Variants in STEAP1B observed in about 807,000 individuals in gnomAD.
STEAP1B encodes the protein STEAP family protein MGC87042.
In STEAP1B, 13 loss-of-function variants were observed where a neutral mutation model predicts 27.9. The ratio of observed to expected loss-of-function variants is 0.47; its 90% CI spans 0.30 to 0.74. The LOEUF is 0.74. Among genes scored for constraint, STEAP1B ranks in the 30% least tolerant of loss-of-function variants. The pLI, the probability that STEAP1B is intolerant of heterozygous loss-of-function variation, is 0.06. For missense variants in STEAP1B, 250 were observed against 298.7 expected, an observed-to-expected ratio of 0.84 and a Z score of 1.20; for synonymous variants, 86 against 107.1, an observed-to-expected ratio of 0.80 and a Z score of 1.22.
chr7:22,438,432 G>A, intron 4 of STEAP1B: 1 of 1,508,236 alleles, frequency 6.6e-7, no homozygotes, highest in Non-Finnish European at 8.8e-7. Flanking sequence ...CCATGGTCTG[G>A]TCTGCAAGTA....
intron 4 of STEAP1B, among the ~76,000 whole-genome samples, chr7:22,478,325 A>T (rs1189355706): frequency 6.6e-6 from 1 of 152,250 alleles, no homozygotes; most frequent in African/African-American, 2.4e-5. Flanking sequence ...CTTGTTGCTA[A>T]GAAAACAAAG....
chr7:22,467,667 A>ATT (rs1228835221), intron 4 of STEAP1B, among the ~76,000 whole-genome samples: 1 of 151,606 alleles, frequency 6.6e-6, no homozygotes, highest in Admixed American at 6.6e-5. Context: ...CTTGGATCTC[A>ATT]CTCTTCTCTT....
In STEAP1B at chr7:22,449,014, G is replaced by T. The variant is rs528510592; in HGVS notation, c.763-29178C>A. ...TAATTTTTTAAGTTTTTAATTTAGG[G>T]GTATATAGTAGGTGTATGTATTTAT... On this transcript the variant is annotated intron_variant, in intron 4 of 4. Transcript: ENST00000678116. Among the ~76,000 whole-genome samples the T allele has an allele frequency of 5.9e-5, 9 of 152,096 alleles. No individual in the cohort carries two copies. In the East Asian group the frequency reaches 7.7e-4, roughly 13 times the overall value.
At position 22,468,810 on chromosome 7, in the gene STEAP1B, G is replaced by C. The variant is rs1785831170; in HGVS notation, c.762+23755C>G. On this transcript the variant is annotated intron_variant, in intron 4 of 4. Transcript: ENST00000678116. ...ATTCTCATCATCTTGTGACGTCATAGCCATTGCAATGTCAGAGTGCAACAC... is the reference window on the plus strand; with the variant it reads ...ATTCTCATCATCTTGTGACGTCATACCCATTGCAATGTCAGAGTGCAACAC... Among the ~76,000 whole-genome samples the C allele has an allele frequency of 2.0e-5, 3 of 152,264 alleles. No homozygotes were observed. In the South Asian group the frequency reaches 6.2e-4, roughly 32 times the overall value.
At position 22,425,066 on chromosome 7, in the gene STEAP1B, T is replaced by C. The variant is rs114448247; in HGVS notation, c.763-5230A>G. On this transcript the variant is annotated intron_variant, in intron 4 of 4. Coordinates refer to ENST00000678116, the MANE Select transcript of STEAP1B (RefSeq NM_001382447.1). ...TGTACAGTCATAACACATAATTTAATGCTCTTTTTAAAATGGAACTCTTCA... is the reference window on the plus strand; with the variant it reads ...TGTACAGTCATAACACATAATTTAACGCTCTTTTTAAAATGGAACTCTTCA... Among the ~76,000 whole-genome samples, 1,132 of 152,304 alleles carry C rather than the reference T, an allele frequency of 7.4e-3. 14 individuals carry two copies. The highest frequency in any genetic ancestry group is 0.026 in the African/African-American group (1,067 of 41,562).
Position 22,471,893 on chromosome 7 carries a change from CAAAAAAA to C in STEAP1B, c.762+20665_762+20671del, listed in dbSNP as rs59453902. On this transcript the variant is annotated intron_variant, in intron 4 of 4. Transcript: ENST00000678116. The stretch of plus-strand genomic sequence containing the variant: ...ACTCCCGCCTGGGCAAACCTGTCTC[CAAAAAAA>C]AAAAAAAAAAAAAAAAAAGTTTTCA... 2.0e-3 allele frequency among the ~76,000 whole-genome samples: 123 copies of C among 60,192 alleles called. No homozygotes were observed. In the East Asian group the frequency reaches 0.027, roughly 13 times the overall value. The allele number at this position is 60,192 out of a possible 152,430, so 39.5% of individuals were successfully genotyped here. A position where few individuals can be genotyped will look rare whatever the true frequency, so the allele number is the denominator to read the frequency against.
At chr7:22,460,139 G>C (rs1401916750) in intron 4 of STEAP1B, among the ~76,000 whole-genome samples, 1 of 151,682 alleles carries the variant, frequency 6.6e-6, no homozygotes, top group East Asian at 1.9e-4. Context: ...GTGAAACCCC[G>C]TCTCTACAAA....
intron 4 of STEAP1B, among the ~76,000 whole-genome samples, chr7:22,456,447 C>T (rs534706722): frequency 2.0e-5 from 3 of 152,292 alleles, no homozygotes; most frequent in African/African-American, 7.2e-5. Flanking sequence ...AAAGCAGGAG[C>T]CAACCATTCT....
Position 22,419,590 on chromosome 7 carries a change from C to T in STEAP1B, c.*214G>A, listed in dbSNP as rs1785019203. 2.3e-6 allele frequency: 1 copy of T among 425,736 alleles called. No homozygotes were observed. The highest frequency in any genetic ancestry group is 4.1e-5 in the Admixed American group (1 of 24,172). The allele number at this position is 425,736 out of a possible 1,614,324, so 26.4% of individuals were successfully genotyped here. On this transcript the variant is annotated 3_prime_UTR_variant, in exon 5 of 5. Transcript: ENST00000678116. ...ACACAATCTCAGTGGATTAGCACAA[C>T]ACATATGGACTTTTTGTTTGCTCTC...
chr7:22,456,973 T>TATATATATATATA (rs1554285707), intron 4 of STEAP1B, among the ~76,000 whole-genome samples: 6 of 59,274 alleles, frequency 1.0e-4, no homozygotes, highest in African/African-American at 1.5e-4. Context: ...TATATATATA[T>TATATATATATATA]TTTTTTTTTT....
intron 4 of STEAP1B, among the ~76,000 whole-genome samples, 189 bp from the exon 5 acceptor site, chr7:22,420,025 G>A (rs765153186): frequency 2.2e-4 from 34 of 152,234 alleles, no homozygotes; most frequent in Non-Finnish European, 4.1e-4. Context: ...CTAGAATTCC[G>A]GTGTGGTCTT....
intron 1 of STEAP1B, among the ~76,000 whole-genome samples, chr7:22,496,658 T>C (rs11983856): frequency 0.77 from 117,521 of 152,156 alleles, 45,565 homozygotes; most frequent in East Asian, 0.88. Context: ...GGTAACATGC[T>C]ATACAGATTA....
At chr7:22,466,042 G>A (rs901834969) in intron 4 of STEAP1B, among the ~76,000 whole-genome samples, 6 of 152,210 alleles carry the variant, frequency 3.9e-5, no homozygotes, top group Admixed American at 3.9e-4. Flanking sequence ...ACATTCAGGT[G>A]TGTGTGCCAT....
intron 4 of STEAP1B, among the ~76,000 whole-genome samples, chr7:22,473,375 G>C (rs114633259): frequency 1.1e-3 from 160 of 152,330 alleles, no homozygotes; most frequent in African/African-American, 3.8e-3. Context: ...AAGTGACTCA[G>C]GTGGGTTATG....
At chr7:22,459,832 A>G (rs577262305) in intron 4 of STEAP1B, among the ~76,000 whole-genome samples, 1 of 152,354 alleles carries the variant, frequency 6.6e-6, no homozygotes, top group South Asian at 2.1e-4. Context: ...CAGTGAGCGC[A>G]GCATGAATTT....
At chr7:22,462,445 T>C (rs1332931263) in intron 4 of STEAP1B, among the ~76,000 whole-genome samples, 15 of 127,698 alleles carry the variant, frequency 1.2e-4, no homozygotes, top group Non-Finnish European at 4.9e-5. Flanking sequence ...TGTGTTCTCA[T>C]TGTTCAATTC....
intron 4 of STEAP1B, among the ~76,000 whole-genome samples, chr7:22,425,803 A>G (rs2528834): frequency 0.75 from 113,918 of 152,118 alleles, 42,775 homozygotes; most frequent in Middle Eastern, 0.79. Context: ...TAGGCCTTTC[A>G]GATTTGACTT....
intron 4 of STEAP1B, among the ~76,000 whole-genome samples, chr7:22,450,788 T>C (rs1785474852): frequency 6.6e-6 from 1 of 152,244 alleles, no homozygotes. Flanking sequence ...GAACATTGAA[T>C]ATTTTTCTAT....
chr7:22,447,823 T>C (rs2128403610), intron 4 of STEAP1B, among the ~76,000 whole-genome samples: 1 of 152,348 alleles, frequency 6.6e-6, no homozygotes, highest in Admixed American at 6.5e-5. Flanking sequence ...GGCAAACACT[T>C]ACTGAGGACC....
Sources: gnomAD v4.1 joint callset for allele counts (sites outside exome capture counted in the v4.1 genomes callset) on GRCh38, gnomAD v4.1.1 for gene constraint, MANE v1.5 for transcripts, NCBI Gene and HGNC (gene_info 2026-07-23, HGNC 2026-07-21) for gene names.